ZNF595: variants seen among roughly 807,000 people sequenced by gnomAD.
ZNF595 encodes zinc finger protein 595.
In ZNF595, 9 loss-of-function variants were observed where a neutral mutation model predicts 19.4. That is an observed-to-expected ratio of 0.46 (90% confidence interval 0.28 to 0.81). The LOEUF (loss-of-function observed/expected upper bound fraction) is 0.81, where lower values mean the gene tolerates loss of function less well. ZNF595 is among the 30% of genes least tolerant of loss of function. The pLI is 0.11. For synonymous variants in ZNF595, 255 were observed against 255.9 expected, an observed-to-expected ratio of 1.00 and a Z score of 0.03; for missense variants, 729 against 736.0, an observed-to-expected ratio of 0.99 and a Z score of 0.11.
rs1714277889 is a variant in ZNF595 at position 87,435 on chromosome 4, G to A, written c.1931G>A (p.Gly644Asp). The change falls in exon 4 of 4, where the codon GGC (glycine) becomes GAC (aspartate). Residue 644 changes from glycine to aspartate, a missense_variant. Transcript: ENST00000610261. ...TLTVHKRIHTGKEHS is the reference protein window; with the variant it reads ...TLTVHKRIHTDKEHS ...ACTGTACACAAGCGAATTCATACTG[G>A]CAAGGAACATAGTTGAATGACATTT... 1.3e-6 allele frequency: 2 copies of A among 1,591,824 alleles called. No individual in the cohort carries two copies. The highest frequency in any genetic ancestry group is 1.7e-6 in the Non-Finnish European group (2 of 1,169,118).
At position 85,737 on chromosome 4, in the gene ZNF595, G is replaced by A; in HGVS notation, c.233G>A (p.Cys78Tyr). 1.3e-6 allele frequency: 2 copies of A among 1,564,792 alleles called. No individual in the cohort carries two copies. Among genetic ancestry groups the A allele is most frequent in the Non-Finnish European group, 1.7e-6 (2 of 1,157,246 alleles). ...HETAAKPPAI[C>Y]SPFSQDLSPV... ...TTATTTTTATTTCTTTCAGCTATAT[G>A]TTCTCCTTTCAGCCAAGACCTTTCA... The change falls in exon 4 of 4, where the codon TGT (cysteine) becomes TAT (tyrosine). Residue 78 changes from cysteine (C) to tyrosine (Y), a missense_variant. Transcript: ENST00000610261.
chr4:79,629 T>C (rs566073601), intron 3 of ZNF595, among the ~76,000 whole-genome samples: 1 of 152,182 alleles, frequency 6.6e-6, no homozygotes, highest in East Asian at 1.9e-4. Context: ...ATTATAGCTT[T>C]ATAGTATATT....
chr4:74,943 T>C (rs1308165760), intron 3 of ZNF595, among the ~76,000 whole-genome samples: 2 of 152,246 alleles, frequency 1.3e-5, no homozygotes, highest in Non-Finnish European at 2.9e-5. Context: ...TGCTTCTATA[T>C]TGGGTATGTA....
chr4:70,252 A>G (rs1713371541), intron 3 of ZNF595, among the ~76,000 whole-genome samples: 2 of 152,048 alleles, frequency 1.3e-5, no homozygotes, highest in South Asian at 4.2e-4. Context: ...ATTTTGATTT[A>G]ATTTTTTATA....
At chr4:71,515 G>T (rs1713431500) in intron 3 of ZNF595, among the ~76,000 whole-genome samples, 1 of 151,952 alleles carries the variant, frequency 6.6e-6, no homozygotes, top group African/African-American at 2.4e-5. Context: ...CTGGTCCTAG[G>T]TTTCAGAACT....
intron 3 of ZNF595, among the ~76,000 whole-genome samples, chr4:63,155 C>G (rs1447378763): frequency 7.1e-6 from 1 of 141,320 alleles, no homozygotes; most frequent in African/African-American, 2.8e-5. Context: ...GCTCCCTATT[C>G]TGTTGCATTG....
chr4:67,372 TCCACTTAACC>T (rs1193651293), intron 3 of ZNF595, among the ~76,000 whole-genome samples: 28 of 150,260 alleles, frequency 1.9e-4, no homozygotes, highest in African/African-American at 6.7e-4. Context: ...CATTTTCTTC[TCCACTTAACC>T]CCGACACAGT....
Position 87,924 on chromosome 4 carries a change from G to A in ZNF595, c.*473G>A, listed in dbSNP as rs2108766308. The A allele has an allele frequency of 6.6e-6, 1 of 152,352 alleles. No individual in the cohort carries two copies. Among genetic ancestry groups the A allele is most frequent in the South Asian group, 2.1e-4 (1 of 4,804 alleles). The allele number at this position is 152,352 out of a possible 1,614,324, so 9.4% of individuals were successfully genotyped here. A position where few individuals can be genotyped will look rare whatever the true frequency, so the allele number is the denominator to read the frequency against. ...TTCAGTAGAGACAGGGTTTCACAAT[G>A]CTGGCCAGGCTGTTCTCGAACTCCT... On this transcript the variant is annotated 3_prime_UTR_variant, in exon 4 of 4. Coordinates refer to ENST00000610261, the MANE Select transcript of ZNF595 (RefSeq NM_182524.4).
intron 3 of ZNF595, among the ~76,000 whole-genome samples, chr4:78,051 C>T (rs2108758439): frequency 6.6e-6 from 1 of 152,280 alleles, no homozygotes; most frequent in South Asian, 2.1e-4. Flanking sequence ...CTCTGTCTCC[C>T]AGGCTGGAGT....
At position 82,672 on chromosome 4, in the gene ZNF595, C is replaced by T. The variant is rs938456285; in HGVS notation, c.227-3059C>T. On this transcript the variant is annotated intron_variant, in intron 3 of 3. Transcript: ENST00000610261. ...GTGCTTGGATTACAGGCATGAGCCA[C>T]TGCACCCAGCCAGTTTTCTTTTTTT... Among the ~76,000 whole-genome samples, 4 of 152,050 alleles carry T rather than the reference C, an allele frequency of 2.6e-5. No homozygotes were observed. The East Asian group carries it at 7.7e-4, about 29-fold the overall frequency.
intron 3 of ZNF595, among the ~76,000 whole-genome samples, chr4:77,536 T>A (rs1212533862): frequency 6.6e-6 from 1 of 152,164 alleles, no homozygotes; most frequent in Non-Finnish European, 1.5e-5. Context: ...CCTCTTTCAG[T>A]CATTACAGAC....
At position 86,767 on chromosome 4, in the gene ZNF595, G is replaced by A; in HGVS notation, c.1263G>A (p.Glu421=). The A allele has an allele frequency of 6.2e-7, 1 of 1,612,786 alleles. No homozygotes were observed. Among genetic ancestry groups the A allele is most frequent in the Non-Finnish European group, 8.5e-7 (1 of 1,179,684 alleles). Residue 421 remains glutamate, a synonymous_variant, in exon 4 of 4, where the codon GAG becomes GAA. Coordinates refer to ENST00000610261, the MANE Select transcript of ZNF595 (RefSeq NM_182524.4). ...AACATAAGAGAATTCATACTGGAGA[G>A]AAACCCTACACGTGCGAAGAATGTG... ...LAKHKRIHTG[E]KPYTCEECGK... is the part of the protein sequence containing the mutation.
intron 3 of ZNF595, among the ~76,000 whole-genome samples, chr4:69,900 C>T (rs782090288): frequency 1.3e-5 from 2 of 152,038 alleles, no homozygotes; most frequent in South Asian, 2.1e-4. Flanking sequence ...TTTCATAGTT[C>T]GATGCGGGGG....
chr4:66,926 AT>A, intron 3 of ZNF595, among the ~76,000 whole-genome samples: 1 of 150,150 alleles, frequency 6.7e-6, no homozygotes, highest in Non-Finnish European at 1.5e-5. Context: ...GTCCTTTGAA[AT>A]TCCATGTAAA....
In ZNF595 at chr4:86,772, C is replaced by G. The variant is rs782023653; in HGVS notation, c.1268C>G (p.Pro423Arg). 1.9e-6 allele frequency: 3 copies of G among 1,613,688 alleles called. No homozygotes were observed. The highest frequency in any genetic ancestry group is 1.7e-4 in the Middle Eastern group (1 of 6,060). Residue 423 changes from proline (P) to arginine (R), a missense_variant, in exon 4 of 4, where the codon CCC (proline) becomes CGC (arginine). Coordinates refer to ENST00000610261, the MANE Select transcript of ZNF595 (RefSeq NM_182524.4). ...AAGAGAATTCATACTGGAGAGAAAC[C>G]CTACACGTGCGAAGAATGTGGCAAA... is the stretch of plus-strand genomic sequence containing the variant. ...KHKRIHTGEKPYTCEECGKAF... is the reference protein window; with the variant it reads ...KHKRIHTGEKRYTCEECGKAF...
chr4:68,771 A>G (rs1292720222), intron 3 of ZNF595, among the ~76,000 whole-genome samples: 2 of 152,222 alleles, frequency 1.3e-5, no homozygotes, highest in Non-Finnish European at 2.9e-5. Flanking sequence ...ATCTAATAAC[A>G]TTCTTTTAGT....
intron 3 of ZNF595, among the ~76,000 whole-genome samples, chr4:82,032 G>T (rs1368462648): frequency 2.6e-5 from 4 of 151,990 alleles, no homozygotes; most frequent in Non-Finnish European, 5.9e-5. Flanking sequence ...ATTTTTCCTG[G>T]ATTTTATTTT....
chr4:67,055 C>T (rs1483088670), intron 3 of ZNF595, among the ~76,000 whole-genome samples: 7 of 141,808 alleles, frequency 4.9e-5, no homozygotes, highest in Non-Finnish European at 7.6e-5. Context: ...AATCAACTGA[C>T]ACAGATAAGA....
intron 3 of ZNF595, 94 bp from the exon 4 acceptor site, chr4:85,637 A>C: frequency 7.4e-7 from 1 of 1,351,800 alleles, no homozygotes; most frequent in Non-Finnish European, 1.0e-6. Flanking sequence ...CTATCTTACT[A>C]ATGCAGTTTG....
Sources: gnomAD v4.1 joint callset for allele counts (sites outside exome capture counted in the v4.1 genomes callset) on GRCh38, gnomAD v4.1.1 for gene constraint, MANE v1.5 for transcripts, NCBI Gene and HGNC (gene_info 2026-07-23, HGNC 2026-07-21) for gene names.